MAMLD1: variants seen among roughly 807,000 people sequenced by gnomAD.
The protein encoded by MAMLD1 is mastermind-like domain-containing protein 1.
MAMLD1 carries 14 observed loss-of-function variants against 45.0 expected under a neutral mutation model. The ratio of observed to expected loss-of-function variants is 0.31; its 90% CI spans 0.21 to 0.49. The LOEUF is 0.49. Among genes scored for constraint, MAMLD1 ranks in the 20% least tolerant of loss-of-function variants. The probability of loss-of-function intolerance (pLI) is 0.99; values close to 1 mark genes in which losing one functional copy is unlikely to be tolerated. For synonymous variants in MAMLD1, 254 were observed against 247.8 expected (o/e 1.02, Z -0.24); for missense variants, 543 against 603.6 (o/e 0.90, Z 1.05).
Position 150,406,818 on chromosome X carries a change from G to A in MAMLD1, c.-63-38636G>A, listed in dbSNP as rs1285725221. Among the ~76,000 whole-genome samples, 5 of 110,825 alleles carry A rather than the reference G, an allele frequency of 4.5e-5. No homozygotes were observed. In the East Asian group the frequency reaches 1.4e-3, roughly 31 times the overall value. ...TCTCCCCTGCCCCTCCTTCATTTGC[G>A]CTCTCCACTTCATTTTCATCTCTGA... On this transcript the variant is annotated intron_variant, in intron 1 of 7. Coordinates refer to ENST00000370401, the MANE Select transcript of MAMLD1 (RefSeq NM_005491.5).
At chrX:150,403,996 G>GAAAGAAAGAAAGAAAGAA (rs1244362021) in intron 1 of MAMLD1, among the ~76,000 whole-genome samples, 38 of 73,871 alleles carry the variant, frequency 5.1e-4, no homozygotes, top group African/African-American at 1.7e-3. Flanking sequence ...AAGAAAGAAA[G>GAAAGAAAGAAAGAAAGAA]AAGAAAGGAA....
At chrX:150,448,900 A>G (rs1416835844) in intron 2 of MAMLD1, among the ~76,000 whole-genome samples, 3 of 111,799 alleles carry the variant, frequency 2.7e-5, no homozygotes, top group Admixed American at 9.5e-5. Flanking sequence ...AGTGGCAAAG[A>G]TTCCTCCAGC....
chrX:150,381,734 CTCATTG>C (rs2032617439), intron 1 of MAMLD1, among the ~76,000 whole-genome samples: 1 of 112,082 alleles, frequency 8.9e-6, no homozygotes, highest in Non-Finnish European at 1.9e-5. Flanking sequence ...GTAGAGATAT[CTCATTG>C]TCATATTAAT....
rs185435758 is a variant in MAMLD1 at position 150,444,471 on chromosome X, A to G, written c.-63-983A>G. Among the ~76,000 whole-genome samples, 344 of 111,987 alleles carry G rather than the reference A, an allele frequency of 3.1e-3. 2 individuals are homozygous for G. Among genetic ancestry groups the G allele is most frequent in the Non-Finnish European group, 4.7e-3 (250 of 53,181 alleles). On this transcript the variant is annotated intron_variant, in intron 1 of 7. Coordinates refer to ENST00000370401, the MANE Select transcript of MAMLD1 (RefSeq NM_005491.5). Reference sequence around the variant, plus strand: ...AGAAACAAAATCCAGAGAACTCGCCACTGCATCATTGCTCAGGTCCCAAGG... The same window carrying G: ...AGAAACAAAATCCAGAGAACTCGCCGCTGCATCATTGCTCAGGTCCCAAGG...
chrX:150,510,547 G>T (rs1036646394), intron 7 of MAMLD1, among the ~76,000 whole-genome samples: 3 of 112,043 alleles, frequency 2.7e-5, no homozygotes, highest in Non-Finnish European at 5.6e-5. Flanking sequence ...AGATAGCAGG[G>T]GTCCCCACCC....
chrX:150,503,423 G>A lies in MAMLD1; in HGVS notation c.2190G>A (p.Ser730=), dbSNP rs782280266. The stretch of plus-strand genomic sequence containing the variant: ...ATGAGCTGGCCCGAGTCACCTCCTC[G>A]TACAGCACCTCAGAGGCAGCGCCCT... ...FAHELARVTS[S]YSTSEAAPWG... Residue 730 remains serine, a synonymous_variant, in exon 6 of 8, where the codon TCG becomes TCA. Transcript: ENST00000370401. 15 of 1,210,483 alleles carry A rather than the reference G, an allele frequency of 1.2e-5. No individual in the cohort carries two copies. The highest frequency in any genetic ancestry group is 3.5e-5 in the South Asian group (2 of 56,879).
At chrX:150,386,623 A>G (rs782171173) in intron 1 of MAMLD1, among the ~76,000 whole-genome samples, 22 of 111,994 alleles carry the variant, frequency 2.0e-4, no homozygotes, top group Non-Finnish European at 4.1e-4. Context: ...CTGTGCAACA[A>G]AAAGATCGGC....
At chrX:150,508,803 TG>T (rs1260547918) in intron 6 of MAMLD1, among the ~76,000 whole-genome samples, 1 of 112,207 alleles carries the variant, frequency 8.9e-6, no homozygotes, top group Non-Finnish European at 1.9e-5. Context: ...AAAGTGGACT[TG>T]GAGCTTGTGC....
chrX:150,444,656 CT>C lies in MAMLD1; in HGVS notation c.-63-797del, dbSNP rs782473912. ...AGGTTTAGACTTGAGATTTTAGAGG[CT>C]GATGCTGTACTGCCAAGGAGGTTTA... On this transcript the variant is annotated intron_variant, in intron 1 of 7. Transcript: ENST00000370401. Among the ~76,000 whole-genome samples the C allele has an allele frequency of 1.3e-3, 149 of 112,146 alleles. 1 individual carries two copies. The highest frequency in any genetic ancestry group is 4.0e-3 in the African/African-American group (124 of 30,818).
intron 5 of MAMLD1, among the ~76,000 whole-genome samples, chrX:150,484,194 G>C (rs1336320557): frequency 9.8e-5 from 11 of 112,408 alleles, no homozygotes; most frequent in African/African-American, 3.6e-4. Flanking sequence ...AAAAAAAAGA[G>C]GTTTATTTTA....
chrX:150,512,810 G>A lies in MAMLD1; in HGVS notation c.*851G>A, dbSNP rs782208172. Reference sequence around the variant, plus strand: ...TGCCAGCCAGTTCCCAGGTCCGTTCGACAGAACGGATATTCCCCCTGAGCT... The same window carrying A: ...TGCCAGCCAGTTCCCAGGTCCGTTCAACAGAACGGATATTCCCCCTGAGCT... On this transcript the variant is annotated 3_prime_UTR_variant, in exon 8 of 8. Transcript: ENST00000370401. 7.5e-5 allele frequency: 86 copies of A among 1,153,835 alleles called. No individual in the cohort carries two copies. The highest frequency in any genetic ancestry group is 4.5e-5 in the Non-Finnish European group (39 of 872,374).
intron 1 of MAMLD1, among the ~76,000 whole-genome samples, chrX:150,426,264 T>A (rs2034698940): frequency 1.8e-5 from 2 of 112,272 alleles, no homozygotes; most frequent in African/African-American, 6.5e-5. Flanking sequence ...TACAGCAGGG[T>A]GATCTGCTCT....
At chrX:150,446,556 T>C (rs1375892023) in intron 2 of MAMLD1, among the ~76,000 whole-genome samples, 2 of 112,754 alleles carry the variant, frequency 1.8e-5, no homozygotes, top group African/African-American at 6.4e-5. Context: ...ATTGAAATCT[T>C]GTTTTCTCTT....
At chrX:150,373,452 G>GCT (rs1232763008) in intron 1 of MAMLD1, among the ~76,000 whole-genome samples, 9,116 of 100,442 alleles carry the variant, frequency 0.091, 332 homozygotes, top group East Asian at 0.2. Flanking sequence ...GTTGTGAAGA[G>GCT]CTCTCTCTCT....
At chrX:150,401,442 C>T (rs1557402431) in intron 1 of MAMLD1, among the ~76,000 whole-genome samples, 1 of 103,405 alleles carries the variant, frequency 9.7e-6, no homozygotes, top group Non-Finnish European at 2.0e-5. Flanking sequence ...AATGGAAGAA[C>T]ATTCCATGCT....
chrX:150,476,347 G>A (rs1557406863), intron 5 of MAMLD1, among the ~76,000 whole-genome samples: 2 of 112,477 alleles, frequency 1.8e-5, no homozygotes, highest in Non-Finnish European at 3.8e-5. Flanking sequence ...ATACCTTGGC[G>A]TGTTGCAAAA....
At position 150,396,323 on chromosome X, in the gene MAMLD1, CA is replaced by C. The variant is rs782313371; in HGVS notation, c.-64+32796del. Among the ~76,000 whole-genome samples, 387 of 109,352 alleles carry C rather than the reference CA, an allele frequency of 3.5e-3. 1 individual carries two copies. The highest frequency in any genetic ancestry group is 5.3e-3 in the Non-Finnish European group (277 of 52,451). 95.0% of individuals were successfully genotyped at this position (109,352 alleles called of 115,157 possible). On this transcript the variant is annotated intron_variant, in intron 1 of 7. Transcript: ENST00000370401. ...CCTCTTCTTTTCTAATATTTACATT[CA>C]AAGCTATAAATTTCTTCTTTATCAC... is the stretch of plus-strand genomic sequence containing the variant.
chrX:150,371,729 G>A (rs950668972), intron 1 of MAMLD1, among the ~76,000 whole-genome samples: 16 of 111,862 alleles, frequency 1.4e-4, no homozygotes, highest in South Asian at 3.7e-4. Context: ...CTTCGGCAGC[G>A]TGCTGTGACA....
At chrX:150,397,201 T>C (rs1259138133) in intron 1 of MAMLD1, among the ~76,000 whole-genome samples, 1 of 112,042 alleles carries the variant, frequency 8.9e-6, no homozygotes, top group Non-Finnish European at 1.9e-5. Context: ...GGCTCTTCTT[T>C]TATGTTTTAT....
Sources: gnomAD v4.1 joint callset for allele counts (sites outside exome capture counted in the v4.1 genomes callset) on GRCh38, gnomAD v4.1.1 for gene constraint, MANE v1.5 for transcripts, NCBI Gene and HGNC (gene_info 2026-07-23, HGNC 2026-07-21) for gene names.